The following MYOM1 variants were observed in gnomAD, a reference collection of about 807,000 sequenced individuals.
The protein encoded by MYOM1 is myomesin 1.
Under a neutral mutation model 205.3 loss-of-function variants are expected in MYOM1, and 164 were observed. The ratio of observed to expected loss-of-function variants is 0.80; its 90% CI spans 0.70 to 0.91. MYOM1 has a LOEUF of 0.91. Among genes scored for constraint, MYOM1 ranks in the 40% least tolerant of loss-of-function variants. MYOM1 has a pLI of 0.00. For synonymous variants in MYOM1, 772 were observed against 789.4 expected, an observed-to-expected ratio of 0.98 and a Z score of 0.37; for missense variants, 2,011 against 2,127.3, an observed-to-expected ratio of 0.95 and a Z score of 1.08.
At chr18:3,072,054 ATT>A (rs202209077) in intron 36 of MYOM1, among the ~76,000 whole-genome samples, 165 bp from the exon 37 acceptor site, 2 of 145,462 alleles carry the variant, frequency 1.4e-5, no homozygotes, top group South Asian at 2.2e-4. Context: ...GGGATTCAGG[ATT>A]TTTTTTTTTT....
chr18:3,077,020 T>A (rs1212870107), intron 34 of MYOM1, among the ~76,000 whole-genome samples: 2 of 151,486 alleles, frequency 1.3e-5, no homozygotes, highest in African/African-American at 4.9e-5. Context: ...CCTTGTTTTT[T>A]TTTTTTTTTC....
At chr18:3,147,172 T>C (rs1040015996) in intron 13 of MYOM1, among the ~76,000 whole-genome samples, 23 of 128,238 alleles carry the variant, frequency 1.8e-4, no homozygotes, top group Non-Finnish European at 3.8e-4. Context: ...TATATATATA[T>C]AAAAAGTCAG....
chr18:3,089,960 A>G (rs1452063183), intron 27 of MYOM1, among the ~76,000 whole-genome samples: 1 of 152,104 alleles, frequency 6.6e-6, no homozygotes, highest in Non-Finnish European at 1.5e-5. Flanking sequence ...ACTTTTGCAT[A>G]TTTTTCTTCT....
In MYOM1 at chr18:3,067,107, A is replaced by T; in HGVS notation, c.*155T>A. 1 of 732,774 alleles carries T rather than the reference A, an allele frequency of 1.4e-6. No homozygotes were observed. The highest frequency in any genetic ancestry group is 2.2e-6 in the Non-Finnish European group (1 of 458,286). The allele number at this position is 732,774 out of a possible 1,614,324, so 45.4% of individuals were successfully genotyped here. A position where few individuals can be genotyped will look rare whatever the true frequency, so the allele number is the denominator to read the frequency against. ...AAAGAAAAACAATTAAAGTGTCATT[A>T]GTTGGTGCTTTTTTATATGAGTGAA... On this transcript the variant is annotated 3_prime_UTR_variant, in exon 38 of 38. Coordinates refer to ENST00000356443, the MANE Select transcript of MYOM1 (RefSeq NM_003803.4).
the MYOM1 span, among the ~76,000 whole-genome samples, chr18:3,225,942 C>G: frequency 1.3e-5 from 2 of 152,202 alleles, no homozygotes; most frequent in Non-Finnish European, 2.9e-5. Flanking sequence ...TTTCATCATT[C>G]ACCAGTGATT....
chr18:3,189,163 G>A lies in MYOM1; in HGVS notation c.432-76C>T. On this transcript the variant is annotated intron_variant, in intron 3 of 37. Coordinates refer to ENST00000356443, the MANE Select transcript of MYOM1 (RefSeq NM_003803.4). The surrounding 1 kb of genome is among the most constrained non-coding windows in gnomAD (Gnocchi z 4.8). Reference sequence around the variant, plus strand: ...ATTGAGTAATTTTACTAAGTTCAAAGTACCACATCTCAGACACTGTATCCT... The same window carrying A: ...ATTGAGTAATTTTACTAAGTTCAAAATACCACATCTCAGACACTGTATCCT... 4 of 1,376,034 alleles carry A rather than the reference G, an allele frequency of 2.9e-6. No homozygotes were observed. Among genetic ancestry groups the A allele is most frequent in the Non-Finnish European group, 4.0e-6 (4 of 1,002,756 alleles). 85.2% of individuals were successfully genotyped at this position (1,376,034 alleles called of 1,614,324 possible).
chr18:3,117,020 C>T (rs1037822305), intron 20 of MYOM1, among the ~76,000 whole-genome samples: 1 of 152,038 alleles, frequency 6.6e-6, no homozygotes, highest in African/African-American at 2.4e-5. Flanking sequence ...CCACACCCGG[C>T]TAATTTTTTA....
At chr18:3,191,603 T>C (rs2080906423) in intron 3 of MYOM1, among the ~76,000 whole-genome samples, 3 of 152,308 alleles carry the variant, frequency 2.0e-5, no homozygotes, top group Admixed American at 2.0e-4. Context: ...AAATGTTATT[T>C]TTGACACAGT....
chr18:3,113,077 TGA>T (rs1161973509), intron 21 of MYOM1, among the ~76,000 whole-genome samples: 6 of 139,222 alleles, frequency 4.3e-5, no homozygotes, highest in Non-Finnish European at 9.6e-5. Context: ...AGATGTGTGC[TGA>T]GAATCCACTA....
At chr18:3,217,422 A>G (rs1192557397) in intron 1 of MYOM1, among the ~76,000 whole-genome samples, 1 of 152,190 alleles carries the variant, frequency 6.6e-6, no homozygotes, top group East Asian at 1.9e-4. Flanking sequence ...ATGGGGAGGA[A>G]TGTGGGAAAG....
intron 36 of MYOM1, among the ~76,000 whole-genome samples, chr18:3,075,043 C>A (rs2079006107): frequency 6.6e-6 from 1 of 152,182 alleles, no homozygotes; most frequent in South Asian, 2.1e-4. Flanking sequence ...GATCCGCCCA[C>A]CTCGGCCTCC....
chr18:3,241,967 C>T, the MYOM1 span, among the ~76,000 whole-genome samples: 2 of 152,172 alleles, frequency 1.3e-5, no homozygotes, highest in African/African-American at 2.4e-5. Flanking sequence ...TGGCCAATTT[C>T]TCCTATTTGG....
Position 3,094,257 on chromosome 18 carries a change from C to G in MYOM1, c.3777G>C (p.Gln1259His). ...ELAVEILEKG[Q>H]VRFWMQAEKL... ...TCTCAGCCTGCATCCAAAACCGGAC[C>G]TGGCCTTTCTCCAAAATTTCAACTG... Residue 1259 changes from glutamine (Q) to histidine (H), a missense_variant, in exon 26 of 38, where the codon CAG becomes CAC. Coordinates refer to ENST00000356443, the MANE Select transcript of MYOM1 (RefSeq NM_003803.4). The G allele has an allele frequency of 6.2e-7, 1 of 1,613,876 alleles. No homozygotes were observed. Among genetic ancestry groups the G allele is most frequent in the Non-Finnish European group, 8.5e-7 (1 of 1,179,838 alleles).
intron 25 of MYOM1, among the ~76,000 whole-genome samples, chr18:3,096,452 ATTT>A (rs5822737): frequency 7.0e-6 from 1 of 143,428 alleles, no homozygotes; most frequent in Admixed American, 7.0e-5. Flanking sequence ...TAGAAACACC[ATTT>A]TTTTTTTTTT....
chr18:3,217,475 C>T (rs1277973554), intron 1 of MYOM1, among the ~76,000 whole-genome samples: 1 of 152,136 alleles, frequency 6.6e-6, no homozygotes, highest in Non-Finnish European at 1.5e-5. Flanking sequence ...TTTCAATGCT[C>T]TACATCTGAG....
intron 5 of MYOM1, among the ~76,000 whole-genome samples, chr18:3,176,727 T>G (rs185694345): frequency 6.6e-6 from 1 of 151,390 alleles, no homozygotes; most frequent in African/African-American, 2.4e-5. Context: ...CTAGTAATAC[T>G]AAAAATTAGC....
intron 20 of MYOM1, among the ~76,000 whole-genome samples, chr18:3,118,601 TGGGA>T (rs1312668266): frequency 2.0e-5 from 3 of 152,126 alleles, no homozygotes; most frequent in Admixed American, 6.5e-5. Flanking sequence ...CCCAAAGCAC[TGGGA>T]TTACAGGAAT....
At chr18:3,211,766 C>A (rs1417451726) in intron 2 of MYOM1, among the ~76,000 whole-genome samples, 1 of 152,182 alleles carries the variant, frequency 6.6e-6, no homozygotes, top group Non-Finnish European at 1.5e-5. Context: ...GTAAACTAGT[C>A]ATTGTTCCTA....
At chr18:3,113,778 G>A (rs1384592281) in intron 21 of MYOM1, among the ~76,000 whole-genome samples, 1 of 151,888 alleles carries the variant, frequency 6.6e-6, no homozygotes, top group African/African-American at 2.4e-5. Context: ...TTACACAGAG[G>A]GCATAATTTT....
Sources: gnomAD v4.1 joint callset for allele counts (sites outside exome capture counted in the v4.1 genomes callset) on GRCh38, gnomAD v4.1.1 for gene constraint, Gnocchi (gnomAD v3.1) non-coding constraint, MANE v1.5 for transcripts, NCBI Gene and HGNC (gene_info 2026-07-23, HGNC 2026-07-21) for gene names.